The following CTNNA2 variants were observed in gnomAD, a reference collection of about 807,000 sequenced individuals.
CTNNA2 encodes catenin alpha-2.
Under a neutral mutation model 101.0 loss-of-function variants are expected in CTNNA2, and 42 were observed. That is an observed-to-expected ratio of 0.42 (90% CI 0.32 to 0.54). The LOEUF (loss-of-function observed/expected upper bound fraction) is 0.54, where lower values mean the gene tolerates loss of function less well. CTNNA2 is among the 20% of genes least tolerant of loss of function. CTNNA2 has a pLI of 0.14. For missense variants in CTNNA2, 871 were observed against 1,223.1 expected (o/e 0.71, Z 4.29); for synonymous variants, 450 against 456.4 (o/e 0.99, Z 0.18).
chr2:79,408,517 A>C (rs1287769922), intron 4 of CTNNA2, among the ~76,000 whole-genome samples: 2 of 138,030 alleles, frequency 1.4e-5, no homozygotes, highest in Non-Finnish European at 3.0e-5. Context: ...ATGTGCTCTC[A>C]TTGTTCAATT....
chr2:79,728,425 T>G (rs1258096841), intron 2 of CTNNA2, among the ~76,000 whole-genome samples: 1 of 152,192 alleles, frequency 6.6e-6, no homozygotes, highest in Admixed American at 6.5e-5. Flanking sequence ...TTGATGAGGT[T>G]GTTTGTTTTT....
At chr2:79,443,159 G>A (rs536267845) in intron 4 of CTNNA2, among the ~76,000 whole-genome samples, 4 of 152,188 alleles carry the variant, frequency 2.6e-5, no homozygotes, top group East Asian at 1.9e-4. Context: ...GAGATATATC[G>A]TGAAGAATTC....
At chr2:79,846,656 A>C (rs1680252605) in intron 3 of CTNNA2, among the ~76,000 whole-genome samples, 1 of 152,230 alleles carries the variant, frequency 6.6e-6, no homozygotes, top group Non-Finnish European at 1.5e-5. Context: ...TGCAGCAAAT[A>C]CAAATATCAG....
intron 4 of CTNNA2, among the ~76,000 whole-genome samples, chr2:79,421,192 T>G (rs1339867741): frequency 6.6e-6 from 1 of 152,126 alleles, no homozygotes; most frequent in East Asian, 1.9e-4. Context: ...TACTAAGTAC[T>G]TAGCAAATAT....
intron 2 of CTNNA2, among the ~76,000 whole-genome samples, chr2:79,273,061 G>A (rs1438183348): frequency 2.6e-5 from 4 of 151,950 alleles, no homozygotes; most frequent in African/African-American, 9.7e-5. Context: ...TACTAAATTT[G>A]CTTGTCTTTT....
At chr2:80,107,407 G>A (rs963182090) in intron 7 of CTNNA2, among the ~76,000 whole-genome samples, 15 of 151,788 alleles carry the variant, frequency 9.9e-5, no homozygotes, top group African/African-American at 3.4e-4. Context: ...TGATTTCAGG[G>A]GGATGGTTGG....
intron 3 of CTNNA2, among the ~76,000 whole-genome samples, chr2:79,366,412 G>T (rs953715595): frequency 6.6e-6 from 1 of 152,162 alleles, no homozygotes; most frequent in Non-Finnish European, 1.5e-5. Flanking sequence ...TGTGGGGCCT[G>T]TTTGGTGTGG....
At chr2:79,833,664 T>C (rs1303936221) in intron 3 of CTNNA2, among the ~76,000 whole-genome samples, 2 of 152,172 alleles carry the variant, frequency 1.3e-5, no homozygotes, top group Admixed American at 6.5e-5. Context: ...TACATCACTA[T>C]ATCATCATGT....
At chr2:79,675,204 A>G (rs147629227) in intron 2 of CTNNA2, among the ~76,000 whole-genome samples, 139 of 152,342 alleles carry the variant, frequency 9.1e-4, no homozygotes, top group African/African-American at 3.1e-3. Context: ...CTGAAGAACA[A>G]TGGGAGAATT....
chr2:79,635,267 T>TAA, intron 1 of CTNNA2, among the ~76,000 whole-genome samples: 1 of 151,616 alleles, frequency 6.6e-6, no homozygotes, highest in African/African-American at 2.4e-5. Flanking sequence ...CCGTCTCTAC[T>TAA]AAAAAATACA....
chr2:80,161,537 G>A lies in CTNNA2; in HGVS notation c.1057-231674G>A, dbSNP rs113755944. On this transcript the variant is annotated intron_variant, in intron 7 of 18. Coordinates refer to ENST00000402739, the MANE Select transcript of CTNNA2 (RefSeq NM_001282597.3). Reference sequence around the variant, plus strand: ...AACGTTAAGATTAAATTCTTTCAAAGGTTCAAACAAAAAAAACAACCTGTA... The same window carrying A: ...AACGTTAAGATTAAATTCTTTCAAAAGTTCAAACAAAAAAAACAACCTGTA... 6.6e-3 allele frequency among the ~76,000 whole-genome samples: 1,003 copies of A among 151,948 alleles called. 13 individuals are homozygous for A. The highest frequency in any genetic ancestry group is 0.023 in the African/African-American group (967 of 41,454).
At chr2:79,694,931 G>A (rs1304866173) in intron 2 of CTNNA2, among the ~76,000 whole-genome samples, 3 of 151,668 alleles carry the variant, frequency 2.0e-5, no homozygotes, top group East Asian at 3.9e-4. Flanking sequence ...AAAAACACAG[G>A]CATCTGTTGT....
At chr2:79,614,004 A>T (rs1678459498) in intron 1 of CTNNA2, among the ~76,000 whole-genome samples, 1 of 152,224 alleles carries the variant, frequency 6.6e-6, no homozygotes. Context: ...AAGAACAGAC[A>T]GTCTGACTCC....
In CTNNA2 at chr2:80,472,131, A is replaced by T. The variant is rs529632187; in HGVS notation, c.1290+52530A>T. On this transcript the variant is annotated intron_variant, in intron 9 of 18. Transcript: ENST00000402739. ...CGAGACTCCATCTCAAAAAAAAAAA[A>T]GGTTAGAAAATATGCAGAACTAGAA... Among the ~76,000 whole-genome samples, 3 of 151,432 alleles carry T rather than the reference A, an allele frequency of 2.0e-5. No homozygotes were observed. The South Asian group carries it at 6.3e-4, about 32-fold the overall frequency.
intron 2 of CTNNA2, among the ~76,000 whole-genome samples, chr2:79,218,002 A>G (rs1214421915): frequency 6.6e-6 from 1 of 152,242 alleles, no homozygotes; most frequent in Admixed American, 6.5e-5. Context: ...TCTACATAAT[A>G]AAATAAAAAC....
At chr2:79,875,336 T>C (rs1388678150) in intron 6 of CTNNA2, among the ~76,000 whole-genome samples, 1 of 152,162 alleles carries the variant, frequency 6.6e-6, no homozygotes, top group African/African-American at 2.4e-5. Flanking sequence ...CAAAGATTTA[T>C]AAATAATTAG....
intron 2 of CTNNA2, among the ~76,000 whole-genome samples, chr2:79,268,170 G>C (rs1422120342): frequency 6.6e-6 from 1 of 152,136 alleles, no homozygotes; most frequent in African/African-American, 2.4e-5. Context: ...CAACAGGCAT[G>C]ATGAGATTGC....
chr2:79,884,214 A>G (rs1459963971), intron 6 of CTNNA2, among the ~76,000 whole-genome samples: 1 of 152,020 alleles, frequency 6.6e-6, no homozygotes, highest in Non-Finnish European at 1.5e-5. Context: ...TTGACTAGTA[A>G]TTCTCTTGTT....
intron 15 of CTNNA2, among the ~76,000 whole-genome samples, chr2:80,592,059 A>G (rs920900873): frequency 2.6e-5 from 4 of 152,210 alleles, no homozygotes; most frequent in African/African-American, 9.6e-5. Context: ...GCAGATAGCA[A>G]CAGCTCAAGT....
Sources: gnomAD v4.1 joint callset for allele counts (sites outside exome capture counted in the v4.1 genomes callset) on GRCh38, gnomAD v4.1.1 for gene constraint, MANE v1.5 for transcripts, NCBI Gene and HGNC (gene_info 2026-07-23, HGNC 2026-07-21) for gene names.